The following SMYD3 variants were observed in gnomAD, a reference collection of about 807,000 sequenced individuals.
The protein encoded by SMYD3 is SET and MYND domain containing 3.
Under a neutral mutation model 57.7 loss-of-function variants are expected in SMYD3, and 36 were observed. The observed-to-expected ratio is 0.62, with a 90% confidence interval of 0.48 to 0.82. The LOEUF is 0.82. SMYD3 is among the 40% of genes least tolerant of loss of function. The pLI is 0.00. For missense variants in SMYD3, 515 were observed against 538.8 expected (o/e 0.96, Z 0.44); for synonymous variants, 211 against 195.0 (o/e 1.08, Z -0.68).
intron 1 of SMYD3, among the ~76,000 whole-genome samples, chr1:246,411,888 A>G (rs1479680542): frequency 1.3e-5 from 2 of 150,780 alleles, no homozygotes; most frequent in Non-Finnish European, 3.0e-5. Context: ...TGACGAGTTA[A>G]TGGGTGCAGC....
At chr1:246,258,591 T>C (rs1350836933) in intron 5 of SMYD3, among the ~76,000 whole-genome samples, 1 of 152,224 alleles carries the variant, frequency 6.6e-6, no homozygotes, top group Non-Finnish European at 1.5e-5. Flanking sequence ...AGTCTGCTGT[T>C]GGCCTGATAG....
At chr1:246,099,289 A>T (rs2060969725) in intron 5 of SMYD3, among the ~76,000 whole-genome samples, 1 of 152,188 alleles carries the variant, frequency 6.6e-6, no homozygotes, top group Non-Finnish European at 1.5e-5. Flanking sequence ...AAATTTGACC[A>T]TTCTATCTAC....
chr1:246,475,258 G>A (rs2068014089), intron 1 of SMYD3, among the ~76,000 whole-genome samples: 1 of 151,354 alleles, frequency 6.6e-6, no homozygotes, highest in South Asian at 2.1e-4. Flanking sequence ...GAACCCGGAA[G>A]AGGAGGTTGC....
intron 10 of SMYD3, among the ~76,000 whole-genome samples, chr1:245,788,630 C>T (rs924327708): frequency 6.6e-6 from 1 of 152,222 alleles, no homozygotes; most frequent in African/African-American, 2.4e-5. Context: ...CTAAGCCCCT[C>T]AGCTCTATCA....
chr1:245,997,632 C>G (rs1473677377), intron 5 of SMYD3, among the ~76,000 whole-genome samples: 1 of 152,124 alleles, frequency 6.6e-6, no homozygotes, highest in East Asian at 1.9e-4. Context: ...AGGACTTTCT[C>G]CAGGCCAGCA....
At chr1:245,942,959 A>G (rs2057302900) in intron 5 of SMYD3, among the ~76,000 whole-genome samples, 2 of 152,166 alleles carry the variant, frequency 1.3e-5, no homozygotes, top group South Asian at 2.1e-4. Flanking sequence ...ACTATGTACC[A>G]GAACCTCTGG....
intron 5 of SMYD3, among the ~76,000 whole-genome samples, chr1:246,129,900 T>C (rs1393139646): frequency 6.6e-6 from 1 of 152,184 alleles, no homozygotes; most frequent in Non-Finnish European, 1.5e-5. Flanking sequence ...CAAAAAATAC[T>C]TCCTTACCAT....
chr1:246,114,788 C>T (rs918272612), intron 5 of SMYD3, among the ~76,000 whole-genome samples: 1 of 152,128 alleles, frequency 6.6e-6, no homozygotes, highest in Non-Finnish European at 1.5e-5. Context: ...CCCGCCACCA[C>T]GCCCGGCTCA....
intron 8 of SMYD3, among the ~76,000 whole-genome samples, chr1:245,869,495 T>C (rs973534724): frequency 1.3e-5 from 2 of 152,238 alleles, no homozygotes; most frequent in African/African-American, 4.8e-5. Flanking sequence ...TAGCTCCATC[T>C]CTGGTGACTG....
intron 5 of SMYD3, among the ~76,000 whole-genome samples, chr1:246,225,032 A>G (rs1398308816): frequency 6.8e-6 from 1 of 146,210 alleles, no homozygotes; most frequent in East Asian, 2.3e-4. Flanking sequence ...TATAGCAATC[A>G]AGGCTGGAGA....
At chr1:246,133,602 G>C (rs909298855) in intron 5 of SMYD3, among the ~76,000 whole-genome samples, 3 of 152,100 alleles carry the variant, frequency 2.0e-5, no homozygotes, top group Non-Finnish European at 4.4e-5. Context: ...CTATCTTCTT[G>C]ATATATGTCA....
chr1:245,833,559 G>A (rs1403661140), intron 10 of SMYD3, among the ~76,000 whole-genome samples: 1 of 152,220 alleles, frequency 6.6e-6, no homozygotes, highest in Non-Finnish European at 1.5e-5. Context: ...CACAGGGGAC[G>A]TGGCAGCCAC....
At chr1:246,280,481 A>G (rs1404433361) in intron 5 of SMYD3, among the ~76,000 whole-genome samples, 1 of 152,132 alleles carries the variant, frequency 6.6e-6, no homozygotes, top group Non-Finnish European at 1.5e-5. Flanking sequence ...TCATCTACTT[A>G]AAAATCTTAG....
intron 5 of SMYD3, among the ~76,000 whole-genome samples, chr1:246,125,013 A>T (rs140257602): frequency 6.7e-6 from 1 of 149,594 alleles, no homozygotes; most frequent in South Asian, 2.1e-4. Flanking sequence ...CGGAGCTTGC[A>T]GTGAGCCGAG....
At chr1:245,756,697 A>G (rs1016766840) in intron 11 of SMYD3, among the ~76,000 whole-genome samples, 10 of 151,682 alleles carry the variant, frequency 6.6e-5, no homozygotes, top group African/African-American at 2.2e-4. Context: ...AAAATATGCT[A>G]CTTTCATCTG....
At chr1:245,966,405 G>T (rs2058150552) in intron 5 of SMYD3, among the ~76,000 whole-genome samples, 1 of 152,136 alleles carries the variant, frequency 6.6e-6, no homozygotes. Flanking sequence ...CTGGCCTCAA[G>T]AACTCCTCCC....
chr1:245,845,608 T>G (rs1449147786), intron 10 of SMYD3, among the ~76,000 whole-genome samples: 1 of 152,196 alleles, frequency 6.6e-6, no homozygotes, highest in African/African-American at 2.4e-5. Context: ...TCAGACTTCC[T>G]CCTAAATGGC....
At chr1:245,826,718 G>A (rs6693414) in intron 10 of SMYD3, among the ~76,000 whole-genome samples, 107,775 of 152,066 alleles carry the variant, frequency 0.71, 39,906 homozygotes, top group Non-Finnish European at 0.84. Flanking sequence ...CATGGCTGGG[G>A]AGGCCTCAGG....
intron 5 of SMYD3, among the ~76,000 whole-genome samples, chr1:246,309,320 A>G (rs1249549351): frequency 1.3e-5 from 2 of 152,212 alleles, no homozygotes; most frequent in Non-Finnish European, 2.9e-5. Flanking sequence ...CATGCAGACA[A>G]GAAAATAAAA....
Sources: gnomAD v4.1 joint callset for allele counts (sites outside exome capture counted in the v4.1 genomes callset) on GRCh38, gnomAD v4.1.1 for gene constraint, MANE v1.5 for transcripts, NCBI Gene and HGNC (gene_info 2026-07-23, HGNC 2026-07-21) for gene names.